The following MLLT3 variants were observed in gnomAD, a reference collection of about 807,000 sequenced individuals.
The protein encoded by MLLT3 is protein AF-9.
A neutral mutation model predicts 53.2 loss-of-function variants in MLLT3; 4 were observed. The observed-to-expected ratio is 0.08, with a 90% CI of 0.04 to 0.17. The LOEUF (loss-of-function observed/expected upper bound fraction) is 0.17. Among genes scored for constraint, MLLT3 ranks in the 10% least tolerant of loss-of-function variants. The probability of loss-of-function intolerance (pLI) is 1.00; values close to 1 mark genes in which losing one functional copy is unlikely to be tolerated. For missense variants in MLLT3, 569 were observed against 684.0 expected (o/e 0.83, Z 1.87); for synonymous variants, 283 against 230.6 (o/e 1.23, Z -2.06).
intron 9 of MLLT3, among the ~76,000 whole-genome samples, chr9:20,354,311 T>C (rs921236599): frequency 2.6e-5 from 4 of 152,230 alleles, no homozygotes; most frequent in African/African-American, 9.6e-5. Flanking sequence ...CCAGCACCAT[T>C]TGCGATAAAG....
intron 4 of MLLT3, among the ~76,000 whole-genome samples, chr9:20,441,693 T>C (rs901883612): frequency 6.6e-6 from 1 of 152,120 alleles, no homozygotes; most frequent in African/African-American, 2.4e-5. Flanking sequence ...TACAGAATTA[T>C]ATATATCAGA....
chr9:20,472,990 A>G (rs1824432355), intron 2 of MLLT3, among the ~76,000 whole-genome samples: 1 of 152,118 alleles, frequency 6.6e-6, no homozygotes, highest in Non-Finnish European at 1.5e-5. Context: ...CAGGATCAGT[A>G]ACACCAGCAT....
intron 4 of MLLT3, among the ~76,000 whole-genome samples, chr9:20,421,658 A>G (rs1299610494): frequency 6.6e-6 from 1 of 152,238 alleles, no homozygotes. Flanking sequence ...TGACTTAAAG[A>G]AAATTTACAA....
intron 10 of MLLT3, among the ~76,000 whole-genome samples, chr9:20,351,901 T>C (rs925627163): frequency 1.3e-5 from 2 of 152,204 alleles, no homozygotes; most frequent in Non-Finnish European, 2.9e-5. Context: ...CTCAGCTGCA[T>C]TACAAGGCAA....
chr9:20,601,054 C>A (rs1255884457), intron 2 of MLLT3, among the ~76,000 whole-genome samples: 1 of 152,132 alleles, frequency 6.6e-6, no homozygotes, highest in Non-Finnish European at 1.5e-5. Context: ...TGCACCGTTG[C>A]CCCCAGACTC....
At chr9:20,498,540 G>A (rs189050923) in intron 2 of MLLT3, among the ~76,000 whole-genome samples, 10 of 152,132 alleles carry the variant, frequency 6.6e-5, no homozygotes, top group East Asian at 3.9e-4. Context: ...TGTCCAACCC[G>A]CCGACCACAG....
chr9:20,523,340 C>A (rs1030383685), intron 2 of MLLT3, among the ~76,000 whole-genome samples: 1 of 152,166 alleles, frequency 6.6e-6, no homozygotes, highest in Non-Finnish European at 1.5e-5. Context: ...CATACTCTTA[C>A]CATATAATCC....
At chr9:20,507,863 A>C (rs940053099) in intron 2 of MLLT3, among the ~76,000 whole-genome samples, 1 of 152,122 alleles carries the variant, frequency 6.6e-6, no homozygotes, top group Non-Finnish European at 1.5e-5. Context: ...TCACAATAAG[A>C]ATCTATAACA....
chr9:20,516,151 C>A (rs998112725), intron 2 of MLLT3, among the ~76,000 whole-genome samples: 4 of 152,188 alleles, frequency 2.6e-5, no homozygotes, highest in Non-Finnish European at 4.4e-5. Context: ...CCTGACTCCG[C>A]TAAGGACTCA....
chr9:20,389,003 T>C (rs1349610360), intron 5 of MLLT3, among the ~76,000 whole-genome samples: 2 of 152,190 alleles, frequency 1.3e-5, no homozygotes, highest in East Asian at 3.8e-4. Flanking sequence ...GATCAGAAAG[T>C]AATGTTTCAT....
At position 20,426,524 on chromosome 9, in the gene MLLT3, C is replaced by G. The variant is rs1823142313; in HGVS notation, c.421-12099G>C. On this transcript the variant is annotated intron_variant, in intron 4 of 10. Coordinates refer to ENST00000380338, the MANE Select transcript of MLLT3 (RefSeq NM_004529.4). Reference sequence around the variant, plus strand: ...AATAAATATACTGCATAAATAAAAGCCCAAAGAGATGCAACTGAACAATGG... The same window carrying G: ...AATAAATATACTGCATAAATAAAAGGCCAAAGAGATGCAACTGAACAATGG... Among the ~76,000 whole-genome samples the G allele has an allele frequency of 3.3e-5, 5 of 151,952 alleles. No individual in the cohort carries two copies. The South Asian group carries it at 8.3e-4, about 25-fold the overall frequency.
At chr9:20,407,449 A>G (rs968568772) in intron 5 of MLLT3, among the ~76,000 whole-genome samples, 15 of 152,170 alleles carry the variant, frequency 9.9e-5, no homozygotes, top group Admixed American at 7.2e-4. Context: ...AAATCCACCT[A>G]TGAGGACAAC....
intron 2 of MLLT3, among the ~76,000 whole-genome samples, chr9:20,557,667 A>G (rs898153802): frequency 6.6e-6 from 1 of 152,226 alleles, no homozygotes; most frequent in African/African-American, 2.4e-5. Context: ...CCCTTCCTAG[A>G]GAAAGGCACT....
chr9:20,375,630 C>CAGG (rs1416563400), intron 5 of MLLT3, among the ~76,000 whole-genome samples: 1 of 126,756 alleles, frequency 7.9e-6, no homozygotes, highest in African/African-American at 3.2e-5. Context: ...TTTTTTGAGA[C>CAGG]AGAGTCTTGC....
intron 7 of MLLT3, chr9:20,362,600 A>C (rs1035005058): frequency 6.6e-6 from 1 of 152,092 alleles, no homozygotes; most frequent in Non-Finnish European, 1.5e-5. Flanking sequence ...CATAAAAAAC[A>C]GTCACTGAGA....
chr9:20,545,974 G>A (rs944756426), intron 2 of MLLT3, among the ~76,000 whole-genome samples: 1 of 151,750 alleles, frequency 6.6e-6, no homozygotes, highest in South Asian at 2.1e-4. Flanking sequence ...AGCTATGATC[G>A]TGCCACTGCA....
chr9:20,508,121 G>A (rs546631952), intron 2 of MLLT3, among the ~76,000 whole-genome samples: 23 of 152,206 alleles, frequency 1.5e-4, no homozygotes, highest in African/African-American at 5.1e-4. Flanking sequence ...CACAGATTTT[G>A]AAACTGCTCT....
At chr9:20,348,481 G>A (rs73648203) in intron 10 of MLLT3, among the ~76,000 whole-genome samples, 2,367 of 152,264 alleles carry the variant, frequency 0.016, 67 homozygotes, top group African/African-American at 0.054. Flanking sequence ...TTAAGAAGAC[G>A]AATACAGCTT....
chr9:20,453,540 G>A (rs2118855500), intron 3 of MLLT3, among the ~76,000 whole-genome samples: 1 of 152,206 alleles, frequency 6.6e-6, no homozygotes, highest in East Asian at 1.9e-4. Context: ...TCCAGCCTGG[G>A]TGACAGAGTG....
Sources: gnomAD v4.1 joint callset for allele counts (sites outside exome capture counted in the v4.1 genomes callset) on GRCh38, gnomAD v4.1.1 for gene constraint, MANE v1.5 for transcripts, NCBI Gene and HGNC (gene_info 2026-07-23, HGNC 2026-07-21) for gene names.